Variants in PTH2R observed in about 807,000 individuals in gnomAD.
PTH2R encodes parathyroid hormone 2 receptor.
Under a neutral mutation model 60.3 loss-of-function variants are expected in PTH2R, and 59 were observed. That is an observed-to-expected ratio of 0.98 (90% CI 0.79 to 1.22). PTH2R has a LOEUF of 1.22. PTH2R is among the 50% of genes most tolerant of loss of function. The probability of loss-of-function intolerance (pLI) is 0.00; values close to 1 mark genes in which losing one functional copy is unlikely to be tolerated. For missense variants in PTH2R, 749 were observed against 682.6 expected (o/e 1.10, Z -1.08); for synonymous variants, 256 against 243.8 (o/e 1.05, Z -0.47).
intron 8 of PTH2R, among the ~76,000 whole-genome samples, chr2:208,456,961 TG>T (rs1240410429): frequency 6.6e-6 from 1 of 152,234 alleles, no homozygotes; most frequent in Admixed American, 6.5e-5. Context: ...TAGAGGTAGC[TG>T]GTTTTGACCT....
chr2:208,493,051 C>G (rs1703441121), intron 12 of PTH2R, among the ~76,000 whole-genome samples: 1 of 152,210 alleles, frequency 6.6e-6, no homozygotes, highest in Non-Finnish European at 1.5e-5. Flanking sequence ...CCCTTCACCT[C>G]TCTCTAAGCT....
At chr2:208,402,263 A>C (rs934810019), upstream of PTH2R, among the ~76,000 whole-genome samples, 1 of 152,220 alleles carries the variant, frequency 6.6e-6, no homozygotes. Context: ...GACTTCTTCA[A>C]GTAACCTTAG....
intron 4 of PTH2R, among the ~76,000 whole-genome samples, chr2:208,439,177 A>G (rs1261271384): frequency 6.6e-6 from 1 of 152,202 alleles, no homozygotes; most frequent in South Asian, 2.1e-4. Flanking sequence ...TTTATATTGA[A>G]CTCTAATCTT....
At chr2:208,435,802 AGACTGTT>A (rs1378381651) in intron 2 of PTH2R, among the ~76,000 whole-genome samples, 1 of 152,250 alleles carries the variant, frequency 6.6e-6, no homozygotes, top group Non-Finnish European at 1.5e-5. Flanking sequence ...TGAGTCCAGC[AGACTGTT>A]GACCTACAGA....
upstream of PTH2R, among the ~76,000 whole-genome samples, chr2:208,403,105 A>C (rs1701339989): frequency 6.6e-6 from 1 of 152,196 alleles, no homozygotes; most frequent in Non-Finnish European, 1.5e-5. Flanking sequence ...TATTTTGCAG[A>C]ATGTAGATTT....
At chr2:208,385,240 A>C (rs1700981435) in intron 1 of PTH2R, among the ~76,000 whole-genome samples, 1 of 152,202 alleles carries the variant, frequency 6.6e-6, no homozygotes, top group East Asian at 1.9e-4. Context: ...TGATTTAAAA[A>C]ATGGCCTTTT....
At chr2:208,401,275 T>C (rs1329515095) in intron 1 of PTH2R, among the ~76,000 whole-genome samples, 2 of 152,140 alleles carry the variant, frequency 1.3e-5, no homozygotes, top group Non-Finnish European at 2.9e-5. Flanking sequence ...TTCAAAAGTC[T>C]CCAAATTCTC....
intron 8 of PTH2R, among the ~76,000 whole-genome samples, chr2:208,451,178 C>T (rs1702401376): frequency 6.6e-6 from 1 of 152,082 alleles, no homozygotes. Context: ...TTCATACTCT[C>T]TCTCTCTCTC....
At chr2:208,466,848 C>T (rs1702764412) in intron 9 of PTH2R, among the ~76,000 whole-genome samples, 1 of 152,160 alleles carries the variant, frequency 6.6e-6, no homozygotes, top group African/African-American at 2.4e-5. Context: ...GTTGCCTTTT[C>T]ACTCTATTGA....
intron 9 of PTH2R, among the ~76,000 whole-genome samples, chr2:208,474,063 T>C (rs1353327409): frequency 6.6e-6 from 1 of 152,162 alleles, no homozygotes; most frequent in African/African-American, 2.4e-5. Context: ...ATAGGGTTGG[T>C]AGTTGTGTGA....
At chr2:208,492,723 C>A (rs2105914530) in intron 12 of PTH2R, among the ~76,000 whole-genome samples, 1 of 152,232 alleles carries the variant, frequency 6.6e-6, no homozygotes, top group South Asian at 2.1e-4. Context: ...GGCCTATCAT[C>A]AGGTGTGTGC....
chr2:208,406,593 G>T (rs529760023), upstream of PTH2R, among the ~76,000 whole-genome samples: 642 of 152,306 alleles, frequency 4.2e-3, 2 homozygotes, highest in Non-Finnish European at 6.8e-3. Flanking sequence ...GGGACAGAGT[G>T]GAGGGAAGCA....
At position 208,381,953 on chromosome 2, in the gene PTH2R, AGGT is replaced by A. The variant is rs549260427; in HGVS notation, c.-259+21719_-259+21721del. ...TGTTAGAGAGCAAGGATGTGAATAAAGGTGGGAAATAAAGGTGTATCTGGTGTC... is the reference window on the plus strand; with the variant it reads ...TGTTAGAGAGCAAGGATGTGAATAAAGGGAAATAAAGGTGTATCTGGTGTC... On this transcript the variant is annotated intron_variant, in intron 1 of 12. Coordinates refer to the PTH2R transcript ENST00000617735. 6.9e-4 allele frequency among the ~76,000 whole-genome samples: 105 copies of A among 152,266 alleles called. 1 individual carries two copies. The highest frequency in any genetic ancestry group is 3.4e-3 in the Middle Eastern group (1 of 294).
At chr2:208,404,399 C>T (rs1044195282), upstream of PTH2R, among the ~76,000 whole-genome samples, 2 of 152,058 alleles carry the variant, frequency 1.3e-5, no homozygotes, top group African/African-American at 4.8e-5. Context: ...TTAAGATTGG[C>T]GATTGCTTCC....
intron 2 of PTH2R, among the ~76,000 whole-genome samples, chr2:208,437,156 A>G (rs1034148998): frequency 2.6e-5 from 4 of 152,210 alleles, no homozygotes; most frequent in African/African-American, 9.6e-5. Context: ...GATCTTTAAA[A>G]ACAGTTTTCA....
At chr2:208,438,817 G>A (rs1702128434) in intron 4 of PTH2R, among the ~76,000 whole-genome samples, 1 of 152,090 alleles carries the variant, frequency 6.6e-6, no homozygotes, top group African/African-American at 2.4e-5. Context: ...TGAGTTGAAG[G>A]TTTCTTTGAT....
intron 9 of PTH2R, among the ~76,000 whole-genome samples, chr2:208,480,645 T>G (rs924344855): frequency 1.3e-5 from 2 of 152,244 alleles, no homozygotes; most frequent in Non-Finnish European, 2.9e-5. Context: ...CCAATACTTT[T>G]CATACATCAT....
chr2:208,395,022 A>G (rs1244636555), intron 1 of PTH2R, among the ~76,000 whole-genome samples: 1 of 151,918 alleles, frequency 6.6e-6, no homozygotes, highest in Non-Finnish European at 1.5e-5. Flanking sequence ...TGTTCCCAGA[A>G]GAGGCCTAGA....
chr2:208,488,473 G>T (rs1052863713), intron 10 of PTH2R, among the ~76,000 whole-genome samples: 2 of 152,070 alleles, frequency 1.3e-5, no homozygotes, highest in Non-Finnish European at 1.5e-5. Context: ...GGAAACTTAG[G>T]ACAGAAAAAA....
Sources: allele counts gnomAD v4.1 joint callset (sites outside exome capture counted in the v4.1 genomes callset), GRCh38; gene constraint gnomAD v4.1.1; transcripts MANE v1.5; gene names NCBI Gene and HGNC (gene_info 2026-07-23, HGNC 2026-07-21).